Variants in LRRC20 observed in about 807,000 individuals in gnomAD.
LRRC20 encodes the protein leucine-rich repeat-containing protein 20.
LRRC20 carries 11 observed loss-of-function variants against 14.4 expected under a neutral mutation model. That is an observed-to-expected ratio of 0.77 (90% CI 0.48 to 1.27). The LOEUF (loss-of-function observed/expected upper bound fraction) is 1.27. Ranked by LOEUF, LRRC20 falls within the 50% of genes most tolerant of loss-of-function variation. The pLI is 0.00. For missense variants in LRRC20, 219 were observed against 251.2 expected, an observed-to-expected ratio of 0.87 and a Z score of 0.87; for synonymous variants, 121 against 107.3, an observed-to-expected ratio of 1.13 and a Z score of -0.79.
At chr10:70,365,397 C>G (rs747787534) in intron 2 of LRRC20, among the ~76,000 whole-genome samples, 1 of 152,210 alleles carries the variant, frequency 6.6e-6, no homozygotes, top group Non-Finnish European at 1.5e-5. Context: ...GTCCGTGGAT[C>G]TGCATGCTTA....
chr10:70,304,785 T>C (rs941611974), intron 4 of LRRC20, among the ~76,000 whole-genome samples: 3 of 152,080 alleles, frequency 2.0e-5, no homozygotes, highest in African/African-American at 2.4e-5. Flanking sequence ...TGGACTCATA[T>C]AGTATTTGCC....
rs1564608077 is a variant in LRRC20, at chr10:70,304,703, C to T, written c.401-3195G>A. 3.9e-5 allele frequency among the ~76,000 whole-genome samples: 6 copies of T among 151,950 alleles called. No homozygotes were observed. In the South Asian group the frequency reaches 1.2e-3, roughly 32 times the overall value. On this transcript the variant is annotated intron_variant, in intron 4 of 4. Coordinates refer to ENST00000446961, the MANE Select transcript of LRRC20 (RefSeq NM_001278212.2). ...AACTCTATACCCATTTAAACAAAAA[C>T]TCCCCATCCCTCCCTCCTCCCAGCA...
At chr10:70,377,282 T>C (rs113624632) in intron 1 of LRRC20, among the ~76,000 whole-genome samples, 15,963 of 149,938 alleles carry the variant, frequency 0.11, 1,558 homozygotes, top group African/African-American at 0.25. Flanking sequence ...GGCCGGGGGG[T>C]GGAGATGGAA....
intron 2 of LRRC20, among the ~76,000 whole-genome samples, chr10:70,347,777 C>T (rs889100309): frequency 1.3e-5 from 2 of 151,204 alleles, no homozygotes; most frequent in African/African-American, 4.9e-5. Flanking sequence ...CGAGATCACA[C>T]CACTATACTC....
intron 2 of LRRC20, among the ~76,000 whole-genome samples, chr10:70,375,811 C>T (rs1844488196): frequency 1.3e-5 from 2 of 152,082 alleles, no homozygotes; most frequent in Non-Finnish European, 2.9e-5. Context: ...CCCCTGCTGC[C>T]CCTTGCACTT....
chr10:70,374,299 C>A (rs529933946), intron 2 of LRRC20, among the ~76,000 whole-genome samples: 71 of 152,136 alleles, frequency 4.7e-4, no homozygotes, highest in Non-Finnish European at 9.1e-4. Flanking sequence ...CCTCTCCACT[C>A]TTGCCACATC....
chr10:70,304,424 A>C (rs1260813189), intron 4 of LRRC20, among the ~76,000 whole-genome samples: 2 of 142,418 alleles, frequency 1.4e-5, no homozygotes, highest in Non-Finnish European at 3.1e-5. Flanking sequence ...CACATATTTT[A>C]CTTTAGGCAA....
At position 70,300,945 on chromosome 10, in the gene LRRC20, C is replaced by G; in HGVS notation, c.*409G>C. ...CAGCACTAAAAACAAGGCCTCAAAC[C>G]CGCAGGGGCTCAGAAAATACCTGGC... On this transcript the variant is annotated 3_prime_UTR_variant, in exon 5 of 5. Coordinates refer to ENST00000446961, the MANE Select transcript of LRRC20 (RefSeq NM_001278212.2). The G allele has an allele frequency of 1.0e-6, 1 of 997,538 alleles. No individual in the cohort carries two copies. The highest frequency in any genetic ancestry group is 1.2e-6 in the Non-Finnish European group (1 of 838,368). The allele number at this position is 997,538 out of a possible 1,614,324, so 61.8% of individuals were successfully genotyped here.
chr10:70,356,981 G>C (rs1464712916), intron 2 of LRRC20, among the ~76,000 whole-genome samples: 2 of 152,158 alleles, frequency 1.3e-5, no homozygotes, highest in Non-Finnish European at 2.9e-5. Context: ...AACAGATAAA[G>C]GACATGTCAT....
At chr10:70,365,391 G>C (rs1420991848) in intron 2 of LRRC20, among the ~76,000 whole-genome samples, 1 of 152,176 alleles carries the variant, frequency 6.6e-6, no homozygotes, top group African/African-American at 2.4e-5. Context: ...AATAGGGTCC[G>C]TGGATCTGCA....
intron 2 of LRRC20, among the ~76,000 whole-genome samples, chr10:70,351,755 A>G (rs1843320102): frequency 6.6e-6 from 1 of 152,212 alleles, no homozygotes; most frequent in Non-Finnish European, 1.5e-5. Context: ...GGCATGAGGA[A>G]TGGGAGGGAT....
rs1352745459 is a variant in LRRC20 at position 70,301,333 on chromosome 10, G to T, written c.*21C>A. 2 of 1,607,010 alleles carry T rather than the reference G, an allele frequency of 1.2e-6. No individual in the cohort carries two copies. Among genetic ancestry groups the T allele is most frequent in the Non-Finnish European group, 1.7e-6 (2 of 1,177,254 alleles). On this transcript the variant is annotated 3_prime_UTR_variant, in exon 5 of 5. Transcript: ENST00000446961. ...GGCCTGTGGCCTCTGCCCCTTGCTG[G>T]GTGGGCATGAGGAGGGTGGCCTAAG...
intron 4 of LRRC20, among the ~76,000 whole-genome samples, chr10:70,318,896 C>T (rs1222009151): frequency 2.0e-5 from 3 of 151,974 alleles, no homozygotes; most frequent in African/African-American, 7.2e-5. Context: ...CAACCTCAAC[C>T]TCCCAGGCTC....
intron 4 of LRRC20, among the ~76,000 whole-genome samples, chr10:70,308,695 G>A: frequency 6.6e-6 from 1 of 152,162 alleles, no homozygotes. Context: ...AGGAGGGGTG[G>A]GAGAGGCCAG....
intron 2 of LRRC20, among the ~76,000 whole-genome samples, chr10:70,349,524 G>A (rs997660816): frequency 2.0e-5 from 3 of 152,218 alleles, no homozygotes; most frequent in Non-Finnish European, 2.9e-5. Flanking sequence ...GTTGCAGTGA[G>A]CAGAGATCGT....
intron 2 of LRRC20, among the ~76,000 whole-genome samples, chr10:70,360,417 T>G (rs935106621): frequency 5.3e-5 from 8 of 150,838 alleles, no homozygotes; most frequent in Non-Finnish European, 1.0e-4. Context: ...CCTCCTCCTC[T>G]TCTTCCTCCT....
Position 70,300,719 on chromosome 10 carries a change from T to TA in LRRC20, c.*634dup. 1.0e-6 allele frequency: 1 copy of TA among 985,624 alleles called. No homozygotes were observed. The highest frequency in any genetic ancestry group is 1.2e-6 in the Non-Finnish European group (1 of 830,068). 61.1% of individuals were successfully genotyped at this position (985,624 alleles called of 1,614,324 possible). On this transcript the variant is annotated 3_prime_UTR_variant, in exon 5 of 5. Transcript: ENST00000446961. The stretch of plus-strand genomic sequence containing the variant: ...CCCAGCCTGCTGGTCCTCGGGCTCC[T>TA]ACATGAATGTTCTTGCCCTGCAGCA...
At chr10:70,374,803 G>A (rs777642791) in intron 2 of LRRC20, among the ~76,000 whole-genome samples, 6 of 152,154 alleles carry the variant, frequency 3.9e-5, no homozygotes, top group Admixed American at 6.5e-5. Flanking sequence ...CTTAGGTCTC[G>A]CCACCAGCTT....
At chr10:70,319,975 C>T (rs1842014249) in intron 4 of LRRC20, among the ~76,000 whole-genome samples, 1 of 152,144 alleles carries the variant, frequency 6.6e-6, no homozygotes, top group Admixed American at 6.5e-5. Context: ...AGGGAGAAGC[C>T]CCTTGACCCA....
Sources: gnomAD v4.1 joint callset for allele counts (sites outside exome capture counted in the v4.1 genomes callset) on GRCh38, gnomAD v4.1.1 for gene constraint, MANE v1.5 for transcripts, NCBI Gene and HGNC (gene_info 2026-07-23, HGNC 2026-07-21) for gene names.